The following OR52N4 variants were observed in gnomAD, a reference collection of about 807,000 sequenced individuals.
OR52N4 encodes olfactory receptor family 52 subfamily N member 4, also known as olfactory receptor 52N4.
In OR52N4, 15 loss-of-function variants were observed where a neutral mutation model predicts 15.0. The observed-to-expected ratio is 1.00, with a 90% CI of 0.67 to 1.54. The LOEUF is 1.54. Among genes scored for constraint, OR52N4 ranks in the 40% most tolerant of loss-of-function variants. OR52N4 has a pLI of 0.00. For synonymous variants in OR52N4, 143 were observed against 143.7 expected, an observed-to-expected ratio of 1.00 and a Z score of 0.03; for missense variants, 421 against 394.0, an observed-to-expected ratio of 1.07 and a Z score of -0.58.
At chr11:5,736,833 G>A in the OR52N4 span, 18 of 1,613,812 alleles carry the variant, frequency 1.1e-5, no homozygotes, top group South Asian at 2.2e-5. Flanking sequence ...CTCCCTGAGT[G>A]CTTTGCTCAG....
rs757074077 is a variant in OR52N4, at chr11:5,755,545, C to T, written c.805C>T (p.His269Tyr). 2.5e-6 allele frequency: 4 copies of T among 1,613,778 alleles called. No homozygotes were observed. The East Asian group carries it at 6.7e-5, about 27-fold the overall frequency. Residue 269 changes from histidine to tyrosine, a missense_variant, in exon 2 of 2, where the codon CAC becomes TAC. By Grantham distance (83) the His-to-Tyr change is moderately conservative (BLOSUM62 2). Transcript: ENST00000641350. Reference sequence around the variant, plus strand: ...CTTCTTTTCCCACCGCTTTGGGGAACACATAATCCCCCCTTCTTGCCACAT... The same window carrying T: ...CTTCTTTTCCCACCGCTTTGGGGAATACATAATCCCCCCTTCTTGCCACAT... Reference protein sequence around the residue: ...FSFFSHRFGEHIIPPSCHIIV... With the variant: ...FSFFSHRFGEYIIPPSCHIIV...
chr11:5,736,522 T>A, the OR52N4 span: 1 of 1,613,376 alleles, frequency 6.2e-7, no homozygotes, highest in East Asian at 2.2e-5. Flanking sequence ...GAATCATGAA[T>A]CATATGTCTG....
the OR52N4 span, among the ~76,000 whole-genome samples, chr11:5,747,520 A>G: frequency 8.6e-5 from 13 of 151,776 alleles, no homozygotes; most frequent in African/African-American, 1.7e-4. Context: ...GTATGTGTAT[A>G]TATATGTATA....
At chr11:5,750,125 A>G (rs1193341631), upstream of OR52N4, among the ~76,000 whole-genome samples, 1 of 151,954 alleles carries the variant, frequency 6.6e-6, no homozygotes, top group African/African-American at 2.4e-5. Context: ...TTTATCTAGT[A>G]TTTAGATACA....
chr11:5,755,490 T>C lies in OR52N4; in HGVS notation c.750T>C (p.Ile250=), dbSNP rs1287910291. 6 of 1,613,826 alleles carry C rather than the reference T, an allele frequency of 3.7e-6. No individual in the cohort carries two copies. The highest frequency in any genetic ancestry group is 4.2e-6 in the Non-Finnish European group (5 of 1,179,874). The change falls in exon 2 of 2, where the codon ATT becomes ATC. Residue 250 remains isoleucine (I), a synonymous_variant. Transcript: ENST00000641350. ...FNTCTAHICA[I]VFSYTPAFFS... ...CCTGCACTGCCCACATTTGTGCCAT[T>C]GTTTTCTCCTATACTCCAGCTTTCT...
the OR52N4 span, among the ~76,000 whole-genome samples, chr11:5,741,897 C>A: frequency 2.0e-5 from 3 of 152,144 alleles, no homozygotes; most frequent in South Asian, 6.2e-4. Flanking sequence ...ACAAGGGTGA[C>A]GCCTAACATC....
chr11:5,744,868 C>T, the OR52N4 span, among the ~76,000 whole-genome samples: 1 of 152,232 alleles, frequency 6.6e-6, no homozygotes, highest in Middle Eastern at 3.4e-3. Flanking sequence ...TTGCAGTGAG[C>T]CAAGATTGTG....
At position 5,754,840 on chromosome 11, in the gene OR52N4, T is replaced by G; in HGVS notation, c.100T>G (p.Cys34Gly). The G allele has an allele frequency of 1.4e-5, 22 of 1,613,836 alleles. No homozygotes were observed. Among genetic ancestry groups the G allele is most frequent in the Non-Finnish European group, 1.9e-5 (22 of 1,179,810 alleles). Residue 34 changes from cysteine (C) to glycine (G), a missense_variant, in exon 2 of 2, where the codon TGC becomes GGC. Physicochemically the swap from Cys to Gly is radical, Grantham distance 159 (BLOSUM62 -3). Coordinates refer to ENST00000641350, the MANE Select transcript of OR52N4 (RefSeq NM_001005175.5). ...DTQLWISFPF[C>G]SMYVVAMVGN... Reference sequence around the variant, plus strand: ...ACAACTCTGGATTTCCTTCCCATTCTGCTCTATGTATGTTGTGGCTATGGT... The same window carrying G: ...ACAACTCTGGATTTCCTTCCCATTCGGCTCTATGTATGTTGTGGCTATGGT...
chr11:5,730,756 G>A, the OR52N4 span, among the ~76,000 whole-genome samples: 5 of 150,946 alleles, frequency 3.3e-5, no homozygotes, highest in African/African-American at 4.9e-5. Flanking sequence ...AGGAAGAGCT[G>A]AAAATCCAGA....
chr11:5,738,889 A>AGC, the OR52N4 span, among the ~76,000 whole-genome samples: 2 of 131,076 alleles, frequency 1.5e-5, 1 homozygote, highest in Non-Finnish European at 3.4e-5. Flanking sequence ...AATGCCATTA[A>AGC]ATAGCTAGGA....
At chr11:5,732,888 T>C in the OR52N4 span, among the ~76,000 whole-genome samples, 32,072 of 152,108 alleles carry the variant, frequency 0.21, 4,034 homozygotes, top group African/African-American at 0.33. Context: ...TCTCTTCCCT[T>C]ATAATCTGGT....
chr11:5,745,330 A>T, the OR52N4 span, among the ~76,000 whole-genome samples: 40 of 152,314 alleles, frequency 2.6e-4, no homozygotes, highest in African/African-American at 9.6e-4. Flanking sequence ...CCTAGACTTG[A>T]AAAGTGACAT....
chr11:5,736,913 G>A, the OR52N4 span: 3 of 1,613,896 alleles, frequency 1.9e-6, no homozygotes, highest in African/African-American at 1.3e-5. Context: ...TGATAGATAT[G>A]TGGCTATTTG....
chr11:5,739,150 CTTT>C, the OR52N4 span, among the ~76,000 whole-genome samples: 7,067 of 121,198 alleles, frequency 0.058, 1,862 homozygotes, highest in African/African-American at 0.19. Flanking sequence ...CATAAGACTA[CTTT>C]TTTTTTTTTA....
In OR52N4 at chr11:5,755,073, G is replaced by A. The variant is rs1372526104; in HGVS notation, c.333G>A (p.Gly111=). 1 of 1,613,970 alleles carries A rather than the reference G, an allele frequency of 6.2e-7. No individual in the cohort carries two copies. The highest frequency in any genetic ancestry group is 8.5e-7 in the Non-Finnish European group (1 of 1,179,958). ...VQMFFTHTFT[G]MESGVLMLMA... Reference sequence around the variant, plus strand: ...TGTTCTTCACCCACACCTTCACAGGGATGGAGTCTGGGGTGCTTATGCTTA... The same window carrying A: ...TGTTCTTCACCCACACCTTCACAGGAATGGAGTCTGGGGTGCTTATGCTTA... Residue 111 remains glycine (G), a synonymous_variant, in exon 2 of 2, where the codon GGG becomes GGA. Coordinates refer to ENST00000641350, the MANE Select transcript of OR52N4 (RefSeq NM_001005175.5).
chr11:5,733,842 A>G, the OR52N4 span, among the ~76,000 whole-genome samples: 2 of 152,306 alleles, frequency 1.3e-5, no homozygotes, highest in African/African-American at 4.8e-5. Flanking sequence ...AAACCATTCA[A>G]ACACTCTAAA....
At chr11:5,753,871 T>G (rs1854238268), upstream of OR52N4, among the ~76,000 whole-genome samples, 2 of 146,572 alleles carry the variant, frequency 1.4e-5, no homozygotes, top group African/African-American at 5.0e-5. Flanking sequence ...CATGTGCCTG[T>G]AGTCGCAGCT....
rs753878461 is a variant in OR52N4, at chr11:5,754,892, T to G, written c.152T>G (p.Ile51Ser). The G allele has an allele frequency of 6.2e-7, 1 of 1,613,842 alleles. No homozygotes were observed. Among genetic ancestry groups the G allele is most frequent in the South Asian group, 1.1e-5 (1 of 91,086 alleles). The stretch of plus-strand genomic sequence containing the variant: ...GGGAATTGTGGACTCCTCTACCTCA[T>G]TCACTATGAGGATGCCCTGCACAAA... ...MVGNCGLLYL[I>S]HYEDALHKPM... Residue 51 changes from isoleucine to serine, a missense_variant, in exon 2 of 2, where the codon ATT becomes AGT. Physicochemically the swap from Ile to Ser is moderately radical, Grantham distance 142. Coordinates refer to ENST00000641350, the MANE Select transcript of OR52N4 (RefSeq NM_001005175.5).
At chr11:5,740,092 C>G in the OR52N4 span, among the ~76,000 whole-genome samples, 258 of 127,918 alleles carry the variant, frequency 2.0e-3, 70 homozygotes, top group Middle Eastern at 3.7e-3. Flanking sequence ...ATAAACCTAT[C>G]TGATGACTAG....
Sources: gnomAD v4.1 joint callset for allele counts (sites outside exome capture counted in the v4.1 genomes callset) on GRCh38, gnomAD v4.1.1 for gene constraint, MANE v1.5 for transcripts, NCBI Gene and HGNC (gene_info 2026-07-23, HGNC 2026-07-21) for gene names.